DGKB: variants seen among roughly 807,000 people sequenced by gnomAD.
The protein encoded by DGKB is 90 kDa diacylglycerol kinase.
A neutral mutation model predicts 114.3 loss-of-function variants in DGKB; 67 were observed. The observed-to-expected ratio is 0.59, with a 90% CI of 0.48 to 0.72. DGKB has a LOEUF of 0.72. DGKB is among the 30% of genes least tolerant of loss of function. The pLI, the probability that DGKB is intolerant of heterozygous loss-of-function variation, is 0.00. For synonymous variants in DGKB, 398 were observed against 323.1 expected (o/e 1.23, Z -2.49); for missense variants, 907 against 975.2 (o/e 0.93, Z 0.93).
At chr7:14,385,105 C>G (rs1043470489) in intron 21 of DGKB, among the ~76,000 whole-genome samples, 1 of 152,208 alleles carries the variant, frequency 6.6e-6, no homozygotes, top group South Asian at 2.1e-4. Flanking sequence ...AATGAAAACA[C>G]CATTTTTATC....
chr7:14,679,772 G>A (rs556105308), intron 12 of DGKB, among the ~76,000 whole-genome samples: 11 of 152,096 alleles, frequency 7.2e-5, no homozygotes, highest in Non-Finnish European at 5.9e-5. Context: ...TCAGTCAAGA[G>A]CAGATCAATT....
At chr7:14,653,703 G>T (rs1815147253) in intron 13 of DGKB, among the ~76,000 whole-genome samples, 1 of 151,654 alleles carries the variant, frequency 6.6e-6, no homozygotes, top group African/African-American at 2.4e-5. Flanking sequence ...AGTTATCCCA[G>T]GGTTGCAAAG....
rs1173622205 is a variant in DGKB at position 14,695,494 on chromosome 7, C to CTTTTTTTTTTTTTTTTTTT, written c.592-1319_592-1301dup. On this transcript the variant is annotated intron_variant, in intron 8 of 25. Coordinates refer to ENST00000402815, the MANE Select transcript of DGKB (RefSeq NM_001350709.2). ...AATGTTCATTTCTCTCTCTCTCTCT[C>CTTTTTTTTTTTTTTTTTTT]TTTTTTTTTTTTTTTTTTTTTTTGA... Among the ~76,000 whole-genome samples, 36 of 75,164 alleles carry CTTTTTTTTTTTTTTTTTTT rather than the reference C, an allele frequency of 4.8e-4. 8 individuals carry two copies. The highest frequency in any genetic ancestry group is 1.0e-3 in the African/African-American group (17 of 17,082). 49.3% of individuals were successfully genotyped at this position (75,164 alleles called of 152,430 possible).
At chr7:14,645,206 T>A (rs1212936874) in intron 13 of DGKB, among the ~76,000 whole-genome samples, 3 of 152,276 alleles carry the variant, frequency 2.0e-5, no homozygotes, top group Admixed American at 6.5e-5. Context: ...TTAGGGGTCC[T>A]CTCTCATTGC....
intron 2 of DGKB, among the ~76,000 whole-genome samples, chr7:14,759,410 C>T (rs934555284): frequency 6.6e-6 from 1 of 152,140 alleles, no homozygotes; most frequent in Non-Finnish European, 1.5e-5. Context: ...CAGTCACTCC[C>T]TGTATTTTCT....
At chr7:14,850,069 G>C (rs1849146662) in intron 1 of DGKB, among the ~76,000 whole-genome samples, 1 of 152,148 alleles carries the variant, frequency 6.6e-6, no homozygotes. Flanking sequence ...AGAAGAGAAA[G>C]AAAAGAATCC....
intron 25 of DGKB, among the ~76,000 whole-genome samples, chr7:14,165,532 G>C (rs1784495402): frequency 6.6e-6 from 1 of 152,064 alleles, no homozygotes; most frequent in Non-Finnish European, 1.5e-5. Context: ...GTAGCTTCTA[G>C]TCAAGAAACA....
intron 20 of DGKB, among the ~76,000 whole-genome samples, chr7:14,556,399 A>T (rs1476911169): frequency 6.6e-6 from 1 of 152,066 alleles, no homozygotes; most frequent in Non-Finnish European, 1.5e-5. Flanking sequence ...ATATATAATC[A>T]CCTTCAAATA....
intron 1 of DGKB, among the ~76,000 whole-genome samples, chr7:14,911,059 G>A (rs1783976617): frequency 6.6e-6 from 1 of 151,940 alleles, no homozygotes; most frequent in African/African-American, 2.4e-5. Context: ...ACTGTATACA[G>A]CCATTAACTC....
chr7:14,286,165 T>C (rs1800834465), intron 23 of DGKB, among the ~76,000 whole-genome samples: 1 of 152,116 alleles, frequency 6.6e-6, no homozygotes, highest in African/African-American at 2.4e-5. Context: ...AAAGAAATTT[T>C]AGGGAAGCCC....
chr7:14,668,167 T>C (rs1287107941), intron 13 of DGKB, among the ~76,000 whole-genome samples: 1 of 151,914 alleles, frequency 6.6e-6, no homozygotes, highest in Non-Finnish European at 1.5e-5. Context: ...AGAAAGGAGG[T>C]AGTTCACAAG....
At chr7:14,609,629 C>A (rs1383777978) in intron 16 of DGKB, among the ~76,000 whole-genome samples, 1 of 151,872 alleles carries the variant, frequency 6.6e-6, no homozygotes, top group Admixed American at 6.6e-5. Context: ...ATTCATCCAA[C>A]AAAGGTGTAA....
chr7:14,721,792 T>C (rs1829212347), intron 5 of DGKB, among the ~76,000 whole-genome samples: 1 of 152,148 alleles, frequency 6.6e-6, no homozygotes, highest in African/African-American at 2.4e-5. Context: ...GAAGATAAAA[T>C]GTCAAAGACC....
intron 23 of DGKB, among the ~76,000 whole-genome samples, chr7:14,277,742 T>C (rs949726295): frequency 6.6e-6 from 1 of 152,222 alleles, no homozygotes; most frequent in Admixed American, 6.5e-5. Context: ...AGATATCCTT[T>C]TGACATATTG....
At chr7:14,162,385 C>A (rs1309704781) in intron 25 of DGKB, among the ~76,000 whole-genome samples, 1 of 152,166 alleles carries the variant, frequency 6.6e-6, no homozygotes, top group Non-Finnish European at 1.5e-5. Flanking sequence ...CTCTTGCAAA[C>A]TAATGACAAA....
At chr7:14,644,787 A>G (rs1312461277) in intron 13 of DGKB, among the ~76,000 whole-genome samples, 5 of 152,244 alleles carry the variant, frequency 3.3e-5, no homozygotes, top group Non-Finnish European at 7.3e-5. Context: ...CCTATTGAAT[A>G]AAATAATACT....
chr7:14,761,988 T>A (rs558164490), intron 2 of DGKB, among the ~76,000 whole-genome samples: 1 of 152,270 alleles, frequency 6.6e-6, no homozygotes, highest in South Asian at 2.1e-4. Context: ...TTTCAGAGGT[T>A]CCTATGCTTG....
At chr7:14,180,099 G>C (rs1469654848) in intron 23 of DGKB, among the ~76,000 whole-genome samples, 2 of 152,140 alleles carry the variant, frequency 1.3e-5, no homozygotes, top group Non-Finnish European at 2.9e-5. Context: ...TGTGCCTGCT[G>C]ATATTTATAA....
chr7:14,524,493 T>C (rs544300486), intron 20 of DGKB, among the ~76,000 whole-genome samples: 40 of 152,300 alleles, frequency 2.6e-4, no homozygotes, highest in Admixed American at 2.6e-3. Flanking sequence ...CAGTGGCTCA[T>C]GCCTGTAATC....
Sources: gnomAD v4.1 joint callset for allele counts (sites outside exome capture counted in the v4.1 genomes callset) on GRCh38, gnomAD v4.1.1 for gene constraint, MANE v1.5 for transcripts, NCBI Gene and HGNC (gene_info 2026-07-23, HGNC 2026-07-21) for gene names.